Variants in SPAG9 observed in about 807,000 individuals in gnomAD.
SPAG9 encodes the protein sperm associated antigen 9, also known as C-Jun-amino-terminal kinase-interacting protein 4.
A neutral mutation model predicts 166.5 loss-of-function variants in SPAG9; 35 were observed. The ratio of observed to expected loss-of-function variants is 0.21; its 90% CI spans 0.16 to 0.28. The LOEUF is 0.28. Ranked by LOEUF, SPAG9 falls within the 10% of genes least tolerant of loss-of-function variation. SPAG9 has a pLI of 1.00. For missense variants in SPAG9, 1,235 were observed against 1,603.3 expected (o/e 0.77, Z 3.92); for synonymous variants, 534 against 565.5 (o/e 0.94, Z 0.79).
chr17:51,112,693 A>AC (rs2049152464), intron 1 of SPAG9, among the ~76,000 whole-genome samples: 1 of 147,232 alleles, frequency 6.8e-6, no homozygotes, highest in Non-Finnish European at 1.5e-5. Context: ...AAAAAAAAAA[A>AC]AAAAAACTTT....
intron 24 of SPAG9, among the ~76,000 whole-genome samples, chr17:50,983,923 T>C (rs1428508855): frequency 6.6e-6 from 1 of 152,158 alleles, no homozygotes; most frequent in African/African-American, 2.4e-5. Context: ...CAGGTACCAA[T>C]CAATTACAAA....
intron 10 of SPAG9, 23 bp downstream of exon 10, chr17:51,007,246 G>C: frequency 7.2e-7 from 1 of 1,381,112 alleles, no homozygotes; most frequent in Admixed American, 1.9e-5. Context: ...TTTATCTTCT[G>C]TTAAAATTTC....
At chr17:51,058,709 C>T (rs900482059) in intron 2 of SPAG9, among the ~76,000 whole-genome samples, 1 of 152,102 alleles carries the variant, frequency 6.6e-6, no homozygotes, top group Non-Finnish European at 1.5e-5. Context: ...GGGAGATGCA[C>T]ATTAAAACCA....
At chr17:51,088,460 T>C (rs1263115156) in intron 1 of SPAG9, among the ~76,000 whole-genome samples, 4 of 152,080 alleles carry the variant, frequency 2.6e-5, no homozygotes, top group Non-Finnish European at 4.4e-5. Flanking sequence ...CTAAGTGCTA[T>C]AATGAAAGCA....
chr17:50,968,273 A>G (rs1356340524), intron 29 of SPAG9, among the ~76,000 whole-genome samples: 1 of 152,234 alleles, frequency 6.6e-6, no homozygotes, highest in African/African-American at 2.4e-5. Flanking sequence ...TCACATTGTC[A>G]TTTAAATGAC....
intron 1 of SPAG9, among the ~76,000 whole-genome samples, chr17:51,098,937 T>C (rs1294091422): frequency 6.6e-6 from 1 of 151,412 alleles, no homozygotes; most frequent in Non-Finnish European, 1.5e-5. Context: ...CGGTCTCTAC[T>C]AAAAATACAA....
In SPAG9 at chr17:50,970,723, G is replaced by A. The variant is rs374437385; in HGVS notation, c.3834C>T (p.Tyr1278=). 1.2e-6 allele frequency: 2 copies of A among 1,613,876 alleles called. No homozygotes were observed. The highest frequency in any genetic ancestry group is 1.7e-6 in the Non-Finnish European group (2 of 1,179,928). Residue 1278 remains tyrosine, a synonymous_variant, in exon 29 of 30, where the codon TAC becomes TAT. Transcript: ENST00000262013. ...ATGACATACCCATTCGGAAGTCGAT[G>A]TAGCCCTCTCCTCCACTGATGACAA... is the stretch of plus-strand genomic sequence containing the variant. ...SMLVISGGEG[Y]IDFRMGDEGG...
chr17:51,015,770 A>C (rs2045672883), intron 8 of SPAG9, among the ~76,000 whole-genome samples: 2 of 152,144 alleles, frequency 1.3e-5, no homozygotes, highest in African/African-American at 4.8e-5. Context: ...ATAAAATAAA[A>C]GAGATAGGAA....
chr17:51,078,296 T>C (rs1383571546), intron 2 of SPAG9, among the ~76,000 whole-genome samples: 1 of 152,176 alleles, frequency 6.6e-6, no homozygotes, highest in African/African-American at 2.4e-5. Flanking sequence ...CCACTTGAGT[T>C]CTCCTTGAAT....
intron 21 of SPAG9, among the ~76,000 whole-genome samples, 180 bp from the exon 22 acceptor site, chr17:50,987,417 G>A (rs1229609945): frequency 6.6e-6 from 1 of 152,012 alleles, no homozygotes. Context: ...AGGGCTCACT[G>A]CAGCCTTGAC....
At chr17:51,004,729 C>CA (rs879624632) in intron 12 of SPAG9, among the ~76,000 whole-genome samples, 22 of 148,416 alleles carry the variant, frequency 1.5e-4, no homozygotes, top group Admixed American at 3.4e-4. Context: ...GACTCTGTCT[C>CA]AAAAAAAAAG....
Position 51,021,281 on chromosome 17 carries a change from T to C in SPAG9, c.868A>G (p.Thr290Ala). The C allele has an allele frequency of 1.2e-6, 2 of 1,614,124 alleles. No homozygotes were observed. Among genetic ancestry groups the C allele is most frequent in the Non-Finnish European group, 1.7e-6 (2 of 1,179,968 alleles). Residue 290 changes from threonine (T) to alanine (A), a missense_variant, in exon 7 of 30, where the codon ACT becomes GCT. Thr to Ala is a moderately conservative substitution (Grantham distance 58). Around this residue, in one of 6 missense-constraint regions of SPAG9, gnomAD observed 288 missense variants for 323.7 expected, o/e 0.89. Transcript: ENST00000262013. Reference protein sequence around the residue: ...TANSDVATIPTDTPLKEENEG... With the variant: ...TANSDVATIPADTPLKEENEG... ...TTTTCTTCCTTTAAGGGAGTATCAG[T>C]AGGAATTGTTGCCACATCTGAATTA...
chr17:51,020,415 A>T (rs577326511), intron 7 of SPAG9, among the ~76,000 whole-genome samples, 157 bp from the exon 8 acceptor site: 1 of 152,344 alleles, frequency 6.6e-6, no homozygotes, highest in African/African-American at 2.4e-5. Flanking sequence ...ACAATATATC[A>T]CATATTCAGT....
intron 24 of SPAG9, 69 bp downstream of exon 24, chr17:50,984,854 C>T: frequency 8.4e-7 from 1 of 1,192,574 alleles, no homozygotes; most frequent in South Asian, 1.2e-5. Context: ...AAAACATAAA[C>T]CAATCTACTT....
intron 2 of SPAG9, among the ~76,000 whole-genome samples, chr17:51,069,425 T>C (rs1312120915): frequency 6.6e-6 from 1 of 152,102 alleles, no homozygotes. Flanking sequence ...TTTTAGGTGA[T>C]TTGAAAAACA....
At chr17:51,019,952 C>T (rs911405470) in intron 8 of SPAG9, among the ~76,000 whole-genome samples, 2 of 152,180 alleles carry the variant, frequency 1.3e-5, no homozygotes, top group Non-Finnish European at 2.9e-5. Context: ...TGCTCATACA[C>T]CTAATTTGTG....
At chr17:51,095,296 T>TA (rs71149343) in intron 1 of SPAG9, among the ~76,000 whole-genome samples, 877 of 83,472 alleles carry the variant, frequency 0.011, 11 homozygotes, top group African/African-American at 0.029. Flanking sequence ...ACTCCATCTT[T>TA]AAAAAAAAAA....
chr17:51,007,206 G>T, intron 10 of SPAG9, 63 bp downstream of exon 10: 2 of 933,562 alleles, frequency 2.1e-6, no homozygotes, highest in Non-Finnish European at 1.7e-6. Flanking sequence ...AAACGATGAA[G>T]TGTCATTGAC....
In SPAG9 at chr17:50,974,954, C is replaced by T. The variant is rs1398451117; in HGVS notation, c.3524-7G>A. The stretch of plus-strand genomic sequence containing the variant: ...ACACCTGAGGTTTTATTTGCTGCAA[C>T]AGAAAAACCAAATACCAAATATTTT... On this transcript the variant is annotated splice_polypyrimidine_tract_variant and splice_region_variant and intron_variant, in intron 27 of 29. Transcript: ENST00000262013. 3.7e-6 allele frequency: 6 copies of T among 1,608,774 alleles called. No homozygotes were observed. In the African/African-American group the frequency reaches 4.0e-5, roughly 11 times the overall value.
Sources: allele counts gnomAD v4.1 joint callset (sites outside exome capture counted in the v4.1 genomes callset), GRCh38; gene constraint gnomAD v4.1.1; regional missense constraint gnomAD v4.1.1; transcripts MANE v1.5; gene names NCBI Gene and HGNC (gene_info 2026-07-23, HGNC 2026-07-21).